Variants in FNDC3B observed in about 807,000 individuals in gnomAD.
FNDC3B encodes fibronectin type III domain containing 3B.
A neutral mutation model predicts 151.5 loss-of-function variants in FNDC3B; 12 were observed. That is an observed-to-expected ratio of 0.08 (90% CI 0.05 to 0.13). The LOEUF (loss-of-function observed/expected upper bound fraction) is 0.13, where lower values mean the gene tolerates loss of function less well. Ranked by LOEUF, FNDC3B falls within the 10% of genes least tolerant of loss-of-function variation. The probability of loss-of-function intolerance (pLI) is 1.00; values close to 1 mark genes in which losing one functional copy is unlikely to be tolerated. For synonymous variants in FNDC3B, 528 were observed against 549.0 expected (o/e 0.96, Z 0.54); for missense variants, 1,214 against 1,505.3 (o/e 0.81, Z 3.20).
chr3:172,101,598 T>C (rs1719384290), intron 1 of FNDC3B, among the ~76,000 whole-genome samples: 1 of 152,228 alleles, frequency 6.6e-6, no homozygotes, highest in Non-Finnish European at 1.5e-5. Flanking sequence ...TTCAACCTGC[T>C]TTATACTTAT....
At chr3:172,272,739 C>A (rs1413219126) in intron 6 of FNDC3B, among the ~76,000 whole-genome samples, 1 of 152,136 alleles carries the variant, frequency 6.6e-6, no homozygotes, top group Non-Finnish European at 1.5e-5. Context: ...CCTTTCACTG[C>A]TCTGAAAATT....
chr3:172,328,876 G>GCT lies in FNDC3B; in HGVS notation c.1255-74_1255-73dup, dbSNP rs1732486928. 2.6e-6 allele frequency: 3 copies of GCT among 1,157,094 alleles called. No individual in the cohort carries two copies. The South Asian group carries it at 5.4e-5, about 21-fold the overall frequency. 71.7% of individuals were successfully genotyped at this position (1,157,094 alleles called of 1,614,324 possible). On this transcript the variant is annotated intron_variant, in intron 11 of 25. Coordinates refer to ENST00000415807, the MANE Select transcript of FNDC3B (RefSeq NM_022763.4). ...AGCAGTTATTCAAGATGTTCAAGAT[G>GCT]CTCCTTCATTTATTTAGGGTTATCT...
chr3:172,332,223 G>T (rs951455402), intron 13 of FNDC3B, among the ~76,000 whole-genome samples: 14 of 152,154 alleles, frequency 9.2e-5, no homozygotes, highest in Non-Finnish European at 1.9e-4. Context: ...GCCCACCTCA[G>T]CCTCCCAAAG....
At chr3:172,045,143 A>T (rs1290239982) in intron 1 of FNDC3B, among the ~76,000 whole-genome samples, 1 of 152,212 alleles carries the variant, frequency 6.6e-6, no homozygotes, top group Non-Finnish European at 1.5e-5. Context: ...AGCTGGTGCT[A>T]TGGTATTTCT....
At chr3:172,134,773 T>C (rs1305359881) in intron 3 of FNDC3B, among the ~76,000 whole-genome samples, 1 of 152,192 alleles carries the variant, frequency 6.6e-6, no homozygotes, top group Admixed American at 6.5e-5. Flanking sequence ...TCTGCATTTC[T>C]CTGTTGTGTC....
At chr3:172,216,568 C>G (rs374530127) in intron 3 of FNDC3B, among the ~76,000 whole-genome samples, 2 of 152,106 alleles carry the variant, frequency 1.3e-5, no homozygotes, top group African/African-American at 4.8e-5. Flanking sequence ...CTCAGCTACT[C>G]AGGCTGTGGT....
At chr3:172,286,217 T>C (rs569314598) in intron 7 of FNDC3B, among the ~76,000 whole-genome samples, 18 of 152,320 alleles carry the variant, frequency 1.2e-4, no homozygotes, top group African/African-American at 4.1e-4. Context: ...TTAGGTATTC[T>C]GAATGCAATT....
At chr3:172,119,019 A>T (rs983135117) in intron 2 of FNDC3B, among the ~76,000 whole-genome samples, 3 of 151,778 alleles carry the variant, frequency 2.0e-5, no homozygotes, top group Non-Finnish European at 4.4e-5. Flanking sequence ...ATACAAAAAA[A>T]ATTAGCCAGG....
At chr3:172,304,804 G>A (rs1731111638) in intron 9 of FNDC3B, among the ~76,000 whole-genome samples, 1 of 152,012 alleles carries the variant, frequency 6.6e-6, no homozygotes, top group Non-Finnish European at 1.5e-5. Context: ...GGCCGAGGCA[G>A]GAGACTCACT....
intron 6 of FNDC3B, among the ~76,000 whole-genome samples, chr3:172,254,377 C>A (rs1728230882): frequency 6.6e-6 from 1 of 151,688 alleles, no homozygotes. Flanking sequence ...TTTAATCAAA[C>A]CTCCATTGGG....
chr3:172,286,986 A>G (rs2108827491), intron 7 of FNDC3B, among the ~76,000 whole-genome samples: 2 of 152,308 alleles, frequency 1.3e-5, no homozygotes, highest in East Asian at 3.9e-4. Flanking sequence ...GACAGATACA[A>G]GAGCCATTCC....
intron 2 of FNDC3B, among the ~76,000 whole-genome samples, chr3:172,121,880 A>G (rs1033845878): frequency 6.6e-6 from 1 of 152,198 alleles, no homozygotes; most frequent in Admixed American, 6.5e-5. Context: ...AAGCATTTCC[A>G]TATTAACTTT....
At chr3:172,049,966 G>C (rs1266514813) in intron 1 of FNDC3B, among the ~76,000 whole-genome samples, 3 of 152,150 alleles carry the variant, frequency 2.0e-5, no homozygotes, top group Non-Finnish European at 2.9e-5. Context: ...TAGTTCCTTA[G>C]ACTGTAAAAC....
chr3:172,255,803 G>A (rs1205495558), intron 6 of FNDC3B, among the ~76,000 whole-genome samples: 31 of 152,114 alleles, frequency 2.0e-4, no homozygotes, highest in Non-Finnish European at 2.9e-5. Flanking sequence ...ACATCTCCTC[G>A]TCACCTCGTC....
At position 172,057,581 on chromosome 3, in the gene FNDC3B, C is replaced by T. The variant is rs905288344; in HGVS notation, c.-29+17810C>T. ...TGGCAGGTTTTTTTCTAGACATAAACACAGTTGAATGGAAAGGATAATAGG... is the reference window on the plus strand; with the variant it reads ...TGGCAGGTTTTTTTCTAGACATAAATACAGTTGAATGGAAAGGATAATAGG... On this transcript the variant is annotated intron_variant, in intron 1 of 25. Transcript: ENST00000415807. Among the ~76,000 whole-genome samples the T allele has an allele frequency of 2.0e-5, 3 of 151,840 alleles. No individual in the cohort carries two copies. In the East Asian group the frequency reaches 5.8e-4, roughly 29 times the overall value.
intron 22 of FNDC3B, among the ~76,000 whole-genome samples, chr3:172,354,495 TA>T (rs889464333): frequency 7.3e-5 from 11 of 149,920 alleles, no homozygotes; most frequent in South Asian, 2.1e-4. Context: ...ATATAAACAA[TA>T]AAAAAAAATA....
intron 2 of FNDC3B, among the ~76,000 whole-genome samples, chr3:172,115,691 C>G (rs1559972955): frequency 6.6e-6 from 1 of 152,130 alleles, no homozygotes; most frequent in Admixed American, 6.5e-5. Flanking sequence ...ACAACAGACC[C>G]TCGGCGGTGG....
At chr3:172,240,241 A>G (rs1727428368) in intron 4 of FNDC3B, among the ~76,000 whole-genome samples, 1 of 151,968 alleles carries the variant, frequency 6.6e-6, no homozygotes, top group Non-Finnish European at 1.5e-5. Flanking sequence ...TATTACCTTC[A>G]CTTCCCTAAG....
intron 3 of FNDC3B, among the ~76,000 whole-genome samples, chr3:172,211,743 A>G (rs1202522075): frequency 6.6e-6 from 1 of 152,242 alleles, no homozygotes; most frequent in African/African-American, 2.4e-5. Flanking sequence ...TTTACCAGTT[A>G]GGATTATTAA....
Sources: gnomAD v4.1 joint callset for allele counts (sites outside exome capture counted in the v4.1 genomes callset) on GRCh38, gnomAD v4.1.1 for gene constraint, MANE v1.5 for transcripts, NCBI Gene and HGNC (gene_info 2026-07-23, HGNC 2026-07-21) for gene names.